Variants in ACER3 observed in about 807,000 individuals in gnomAD.
ACER3 encodes alkaline ceramidase 3.
ACER3 carries 16 observed loss-of-function variants against 48.9 expected under a neutral mutation model. The ratio of observed to expected loss-of-function variants is 0.33; its 90% CI spans 0.22 to 0.50. The LOEUF (loss-of-function observed/expected upper bound fraction) is 0.50, where lower values mean the gene tolerates loss of function less well. Ranked by LOEUF, ACER3 falls within the 20% of genes least tolerant of loss-of-function variation. The pLI is 0.98. For synonymous variants in ACER3, 109 were observed against 107.8 expected (o/e 1.01, Z -0.07); for missense variants, 227 against 326.0 (o/e 0.70, Z 2.34).
intron 1 of ACER3, among the ~76,000 whole-genome samples, chr11:76,914,126 G>A (rs1946460313): frequency 6.6e-6 from 1 of 152,158 alleles, no homozygotes; most frequent in African/African-American, 2.4e-5. Flanking sequence ...TAGCATTCAG[G>A]ACATAGGCAT....
At chr11:76,887,092 C>T (rs1429123928) in intron 1 of ACER3, among the ~76,000 whole-genome samples, 1 of 147,972 alleles carries the variant, frequency 6.8e-6, no homozygotes, top group Non-Finnish European at 1.5e-5. Context: ...ATAGTGAAAC[C>T]CTGTCTCTAC....
At chr11:76,910,756 A>G (rs944350518) in intron 1 of ACER3, among the ~76,000 whole-genome samples, 3 of 152,220 alleles carry the variant, frequency 2.0e-5, no homozygotes, top group Non-Finnish European at 4.4e-5. Context: ...ACTGAAGTTA[A>G]TATGTGAACC....
At chr11:77,008,705 A>C (rs1949203945) in intron 7 of ACER3, among the ~76,000 whole-genome samples, 1 of 152,210 alleles carries the variant, frequency 6.6e-6, no homozygotes, top group Admixed American at 6.5e-5. Context: ...AAACACCTAG[A>C]AATTCTAAAT....
chr11:76,990,562 G>A lies in ACER3; in HGVS notation c.426G>A (p.Pro142=), dbSNP rs3740767. 0.71 allele frequency: 1,041,292 copies of A among 1,464,408 alleles called. 383,244 individuals are homozygous for A. Among genetic ancestry groups the A allele is most frequent in the Non-Finnish European group, 0.75 (790,393 of 1,048,144 alleles). 90.7% of individuals were successfully genotyped at this position (1,464,408 alleles called of 1,614,324 possible). Reference sequence around the variant, plus strand: ...AGGTTTACCTTAAGGTAAAAGAGCCGATATTCCATCAGGTAATTTTTTGTA... The same window carrying A: ...AGGTTTACCTTAAGGTAAAAGAGCCAATATTCCATCAGGTAATTTTTTGTA... ...VTTVYLKVKE[P]IFHQVMYGML... Residue 142 remains proline (P), a synonymous_variant, in exon 6 of 11, where the codon CCG becomes CCA. Transcript: ENST00000532485.
Position 76,919,792 on chromosome 11 carries a change from A to G in ACER3, c.104-6765A>G, listed in dbSNP as rs79300321. The stretch of plus-strand genomic sequence containing the variant: ...ATAGCAACATTGTAGAAAATATGGA[A>G]AAAGGGGGAAATCCATTATTTAACC... On this transcript the variant is annotated intron_variant, in intron 1 of 10. Transcript: ENST00000532485. Among the ~76,000 whole-genome samples the G allele has an allele frequency of 8.1e-3, 1,229 of 152,302 alleles. 12 individuals are homozygous for G. The highest frequency in any genetic ancestry group is 0.017 in the Middle Eastern group (5 of 294).
Position 77,020,290 on chromosome 11 carries a change from G to T in ACER3, c.767G>T (p.Trp256Leu), listed in dbSNP as rs782521120. 6.2e-7 allele frequency: 1 copy of T among 1,613,664 alleles called. No homozygotes were observed. The highest frequency in any genetic ancestry group is 2.2e-5 in the East Asian group (1 of 44,860). ...RPKVKFLFGIWPVILFEPLRK... is the reference protein window; with the variant it reads ...RPKVKFLFGILPVILFEPLRK... Reference sequence around the variant, plus strand: ...CCCAAACAGTTTCTCTTTGGAATCTGGCCAGTGATCCTGTTTGAGCCTCTC... The same window carrying T: ...CCCAAACAGTTTCTCTTTGGAATCTTGCCAGTGATCCTGTTTGAGCCTCTC... The change falls in exon 11 of 11, where the codon TGG (tryptophan) becomes TTG (leucine). Residue 256 changes from tryptophan (W) to leucine (L), a missense_variant. By Grantham distance (61) the Trp-to-Leu change is moderately conservative (BLOSUM62 -2). Coordinates refer to ENST00000532485, the MANE Select transcript of ACER3 (RefSeq NM_018367.7).
At chr11:76,983,904 C>A (rs929130289) in intron 4 of ACER3, among the ~76,000 whole-genome samples, 3 of 152,024 alleles carry the variant, frequency 2.0e-5, no homozygotes, top group Admixed American at 6.6e-5. Flanking sequence ...GATTCTCCTG[C>A]CTCAGCCTCC....
chr11:76,876,460 A>G (rs1178616413), intron 1 of ACER3, among the ~76,000 whole-genome samples: 3 of 152,192 alleles, frequency 2.0e-5, no homozygotes, highest in African/African-American at 4.8e-5. Flanking sequence ...TTTCCTGTTG[A>G]TGGACACATG....
At chr11:76,914,049 C>T (rs1946457506) in intron 1 of ACER3, among the ~76,000 whole-genome samples, 1 of 152,142 alleles carries the variant, frequency 6.6e-6, no homozygotes, top group African/African-American at 2.4e-5. Context: ...AAAATTAATT[C>T]AAGATGGATC....
chr11:76,997,777 G>C (rs553369530), intron 6 of ACER3, among the ~76,000 whole-genome samples: 40 of 152,286 alleles, frequency 2.6e-4, no homozygotes, highest in African/African-American at 8.9e-4. Flanking sequence ...GATCAAGCCT[G>C]CAATGAGCTA....
At chr11:76,861,492 C>T (rs1333072310) in intron 1 of ACER3, among the ~76,000 whole-genome samples, 1 of 152,098 alleles carries the variant, frequency 6.6e-6, no homozygotes, top group Non-Finnish European at 1.5e-5. Context: ...TTGCCACCAC[C>T]AGAAGGGTAC....
chr11:76,969,571 T>C, intron 3 of ACER3, among the ~76,000 whole-genome samples: 1 of 151,442 alleles, frequency 6.6e-6, no homozygotes, highest in Non-Finnish European at 1.5e-5. Context: ...ATAGACTGGA[T>C]TAAGAAAATA....
At chr11:76,944,376 T>C (rs1238168384) in intron 2 of ACER3, among the ~76,000 whole-genome samples, 4 of 152,186 alleles carry the variant, frequency 2.6e-5, no homozygotes, top group African/African-American at 9.6e-5. Flanking sequence ...CTCCTTTGAG[T>C]ATTTCCTGAA....
chr11:76,901,732 G>A (rs766893863), intron 1 of ACER3, among the ~76,000 whole-genome samples: 5 of 152,086 alleles, frequency 3.3e-5, no homozygotes, highest in Non-Finnish European at 7.4e-5. Flanking sequence ...TGCATGCACC[G>A]GTAATTAGAT....
At chr11:77,006,501 C>G (rs1555021066) in intron 7 of ACER3, among the ~76,000 whole-genome samples, 3 of 151,968 alleles carry the variant, frequency 2.0e-5, no homozygotes, top group Non-Finnish European at 2.9e-5. Context: ...CTTCCTTTAG[C>G]CATTTTTTAG....
intron 1 of ACER3, among the ~76,000 whole-genome samples, chr11:76,870,791 A>G (rs1468707760): frequency 2.0e-5 from 3 of 152,242 alleles, no homozygotes; most frequent in Non-Finnish European, 2.9e-5. Flanking sequence ...TGTAATGATT[A>G]TATGAGATAC....
intron 1 of ACER3, among the ~76,000 whole-genome samples, chr11:76,896,317 G>C (rs1945927915): frequency 1.3e-5 from 2 of 152,038 alleles, no homozygotes; most frequent in Admixed American, 6.6e-5. Context: ...CTTTCGTGAA[G>C]TTTTATTCTT....
intron 1 of ACER3, among the ~76,000 whole-genome samples, chr11:76,900,180 A>C (rs929656014): frequency 1.3e-5 from 2 of 152,056 alleles, no homozygotes; most frequent in Non-Finnish European, 2.9e-5. Flanking sequence ...ATCATAAGGA[A>C]GAGAAAATAT....
At chr11:76,899,551 C>A (rs1214048495) in intron 1 of ACER3, among the ~76,000 whole-genome samples, 1 of 152,166 alleles carries the variant, frequency 6.6e-6, no homozygotes, top group Non-Finnish European at 1.5e-5. Flanking sequence ...ATTTATATTG[C>A]AGTATTGTCC....
Sources: allele counts gnomAD v4.1 joint callset (sites outside exome capture counted in the v4.1 genomes callset), GRCh38; gene constraint gnomAD v4.1.1; transcripts MANE v1.5; gene names NCBI Gene and HGNC (gene_info 2026-07-23, HGNC 2026-07-21).